ZNF573: variants seen among roughly 807,000 people sequenced by gnomAD.
ZNF573 encodes the protein zinc finger protein 573.
A neutral mutation model predicts 57.4 loss-of-function variants in ZNF573; 41 were observed. That is an observed-to-expected ratio of 0.71 (90% CI 0.56 to 0.93). The LOEUF (loss-of-function observed/expected upper bound fraction) is 0.93. Among genes scored for constraint, ZNF573 ranks in the 40% least tolerant of loss-of-function variants. The pLI, the probability that ZNF573 is intolerant of heterozygous loss-of-function variation, is 0.00. For missense variants in ZNF573, 730 were observed against 794.8 expected, an observed-to-expected ratio of 0.92 and a Z score of 0.98; for synonymous variants, 249 against 261.0, an observed-to-expected ratio of 0.95 and a Z score of 0.44.
chr19:37,739,655 A>G lies in ZNF573; in HGVS notation c.835T>C (p.Cys279Arg). 2 of 1,614,062 alleles carry G rather than the reference A, an allele frequency of 1.2e-6. No individual in the cohort carries two copies. Among genetic ancestry groups the G allele is most frequent in the South Asian group, 1.1e-5 (1 of 91,074 alleles). The change falls in exon 5 of 5, where the codon TGT becomes CGT. Residue 279 changes from cysteine to arginine, a missense_variant. Cys to Arg is a radical substitution (Grantham distance 180). Transcript: ENST00000536220. ...GAGCGCCTACTAAAAGTCTTCCCACATTCCTTACATTTATATGGTTTTTCG... is the reference window on the plus strand; with the variant it reads ...GAGCGCCTACTAAAAGTCTTCCCACGTTCCTTACATTTATATGGTTTTTCG... ...TGEKPYKCKECGKTFSRRSNL... is the reference protein window; with the variant it reads ...TGEKPYKCKERGKTFSRRSNL...
At chr19:37,749,302 C>T (rs57867853) in intron 4 of ZNF573, among the ~76,000 whole-genome samples, 13,646 of 151,610 alleles carry the variant, frequency 0.09, 1,001 homozygotes, top group African/African-American at 0.2. Flanking sequence ...CACATACACA[C>T]ACATACATAT....
intron 1 of ZNF573, among the ~76,000 whole-genome samples, chr19:37,774,126 C>CT (rs539456711): frequency 0.13 from 11,390 of 87,368 alleles, 2,537 homozygotes; most frequent in Non-Finnish European, 0.17. Flanking sequence ...CTAGAAGCTT[C>CT]TTTTTTTTTT....
At chr19:37,753,848 A>G (rs1022809854) in intron 4 of ZNF573, among the ~76,000 whole-genome samples, 3 of 152,232 alleles carry the variant, frequency 2.0e-5, no homozygotes, top group African/African-American at 7.2e-5. Context: ...GTAAAGGAGC[A>G]ATAGGTACGA....
chr19:37,741,165 T>C (rs1176911382), intron 4 of ZNF573, among the ~76,000 whole-genome samples: 1 of 152,228 alleles, frequency 6.6e-6, no homozygotes, highest in Non-Finnish European at 1.5e-5. Context: ...TCATCCTTTA[T>C]GTTTCAGAGT....
At chr19:37,741,221 C>A (rs1263317671) in intron 4 of ZNF573, among the ~76,000 whole-genome samples, 1 of 152,104 alleles carries the variant, frequency 6.6e-6, no homozygotes, top group Non-Finnish European at 1.5e-5. Flanking sequence ...CTCTGTCTGT[C>A]TCTCTATCTT....
At chr19:37,758,203 ATATATATATATATATATAT>A (rs1413973657) in intron 4 of ZNF573, among the ~76,000 whole-genome samples, 1,611 of 52,016 alleles carry the variant, frequency 0.031, 276 homozygotes, top group East Asian at 0.054. Flanking sequence ...GTATAATAAA[ATATATATATATATATATAT>A]ATATATATAT....
intron 4 of ZNF573, among the ~76,000 whole-genome samples, chr19:37,753,912 A>C (rs117610300): frequency 0.019 from 2,860 of 152,326 alleles, 48 homozygotes; most frequent in South Asian, 0.078. Flanking sequence ...AGTATCTTTC[A>C]ACTACAAAAA....
At chr19:37,744,828 T>C (rs2045364838) in intron 4 of ZNF573, among the ~76,000 whole-genome samples, 1 of 151,522 alleles carries the variant, frequency 6.6e-6, no homozygotes, top group South Asian at 2.1e-4. Context: ...GTCTCCTAGG[T>C]TGGAGTGCAG....
intron 3 of ZNF573, chr19:37,770,628 A>C (rs1395415845): frequency 7.0e-6 from 1 of 142,282 alleles, no homozygotes; most frequent in East Asian, 2.1e-4. Flanking sequence ...AAAAAAAATT[A>C]GGCATGGTGG....
At chr19:37,775,949 G>C (rs956360689) in intron 1 of ZNF573, among the ~76,000 whole-genome samples, 27 of 151,304 alleles carry the variant, frequency 1.8e-4, no homozygotes, top group Non-Finnish European at 3.7e-4. Flanking sequence ...ATCTCTACAA[G>C]GAAAACTACA....
At position 37,739,259 on chromosome 19, in the gene ZNF573, C is replaced by A. The variant is rs755864775; in HGVS notation, c.1231G>T (p.Glu411Ter). 5 of 1,613,896 alleles carry A rather than the reference C, an allele frequency of 3.1e-6. No homozygotes were observed. The South Asian group carries it at 5.5e-5, about 18-fold the overall frequency. Residue 411 changes from glutamate (E) to a stop codon, truncating the protein, a stop_gained, in exon 5 of 5, where the codon GAG becomes TAG. Coordinates refer to ENST00000536220, the MANE Select transcript of ZNF573 (RefSeq NM_001172690.2). LOFTEE classifies it high-confidence loss of function. ...LFQHQKTHTG[E>*]KPYECKECGK... ...CATTCCTTGCATTCATAGGGTTTCT[C>A]GCCAGTATGAGTTTTCTGATGTTGA...
Position 37,740,115 on chromosome 19 carries a change from CTGAAGTTG to C in ZNF573, c.367_374del (p.Gln123GlufsTer4). The stretch of plus-strand genomic sequence containing the variant: ...AGAGTTTCTCTCTCTTATATATGCT[CTGAAGTTG>C]TGTAGAGGATATATCTGTTTCATAA... On this transcript the variant is annotated frameshift_variant, in exon 5 of 5. Transcript: ENST00000536220. LOFTEE classifies it high-confidence loss of function. The C allele has an allele frequency of 6.2e-7, 1 of 1,613,822 alleles. No individual in the cohort carries two copies.
At chr19:37,769,634 G>A (rs986759363) in intron 4 of ZNF573, among the ~76,000 whole-genome samples, 3 of 149,498 alleles carry the variant, frequency 2.0e-5, no homozygotes, top group East Asian at 2.0e-4. Context: ...GCTGAGGCAG[G>A]AGAATCACCT....
intron 4 of ZNF573, among the ~76,000 whole-genome samples, chr19:37,761,381 G>T (rs561884872): frequency 1.3e-5 from 2 of 151,918 alleles, no homozygotes; most frequent in Non-Finnish European, 2.9e-5. Context: ...GTTTTTTCTC[G>T]GACCTTCTCT....
intron 1 of ZNF573, among the ~76,000 whole-genome samples, chr19:37,777,779 T>C (rs1180916920): frequency 1.3e-5 from 2 of 148,422 alleles, no homozygotes; most frequent in African/African-American, 5.0e-5. Context: ...CTCATGCTTG[T>C]AATCCCAGCA....
At chr19:37,749,597 A>C (rs1001893739) in intron 4 of ZNF573, among the ~76,000 whole-genome samples, 1 of 152,188 alleles carries the variant, frequency 6.6e-6, no homozygotes, top group Non-Finnish European at 1.5e-5. Flanking sequence ...AAATGCAACA[A>C]ATAAACAAAA....
At chr19:37,743,319 CAAAAAAAA>C (rs74174484) in intron 4 of ZNF573, among the ~76,000 whole-genome samples, 1 of 100,008 alleles carries the variant, frequency 1.0e-5, no homozygotes, top group Non-Finnish European at 1.9e-5. Flanking sequence ...GAATCCATCT[CAAAAAAAA>C]AAAAAAAAAA....
chr19:37,778,753 T>C (rs1438367594), intron 1 of ZNF573, among the ~76,000 whole-genome samples: 1 of 152,112 alleles, frequency 6.6e-6, no homozygotes, highest in Non-Finnish European at 1.5e-5. Context: ...TCATGAGTTA[T>C]CAGGCCTTTC....
At position 37,770,829 on chromosome 19, in the gene ZNF573, A is replaced by ATT. The variant is rs1445937147; in HGVS notation, c.202+733_203-733dup. Among the ~76,000 whole-genome samples the ATT allele has an allele frequency of 2.2e-4, 12 of 53,998 alleles. No individual in the cohort carries two copies. The East Asian group carries it at 8.0e-3, about 36-fold the overall frequency. The allele number at this position is 53,998 out of a possible 152,430, so 35.4% of individuals were successfully genotyped here. On this transcript the variant is annotated intron_variant, in intron 3 of 4. Transcript: ENST00000536220. ...CACACAGTTCTTTCAGGATTAAGTTATTTTATATATATATATATATATATA... is the reference window on the plus strand; with the variant it reads ...CACACAGTTCTTTCAGGATTAAGTTATTTTTTATATATATATATATATATATA...
Sources: allele counts gnomAD v4.1 joint callset (sites outside exome capture counted in the v4.1 genomes callset), GRCh38; gene constraint gnomAD v4.1.1; transcripts MANE v1.5; gene names NCBI Gene and HGNC (gene_info 2026-07-23, HGNC 2026-07-21).